The following CAMSAP2 variants were observed in gnomAD, a reference collection of about 807,000 sequenced individuals.
CAMSAP2 encodes calmodulin-regulated spectrin-associated protein 2.
CAMSAP2 carries 26 observed loss-of-function variants against 146.1 expected under a neutral mutation model. The observed-to-expected ratio is 0.18, with a 90% CI of 0.13 to 0.25. The LOEUF (loss-of-function observed/expected upper bound fraction) is 0.25. Ranked by LOEUF, CAMSAP2 falls within the 10% of genes least tolerant of loss-of-function variation. The pLI is 1.00. For synonymous variants in CAMSAP2, 499 were observed against 596.6 expected, an observed-to-expected ratio of 0.84 and a Z score of 2.38; for missense variants, 1,381 against 1,759.3, an observed-to-expected ratio of 0.78 and a Z score of 3.85.
At chr1:200,844,693 T>G (rs995116735) in intron 7 of CAMSAP2, 89 bp from the exon 8 acceptor site, 2 of 626,846 alleles carry the variant, frequency 3.2e-6, no homozygotes, top group Non-Finnish European at 2.7e-6. Flanking sequence ...GAAATAGAAG[T>G]TAAATTTTGT....
At chr1:200,742,185 G>A (rs1167488356) in intron 1 of CAMSAP2, among the ~76,000 whole-genome samples, 1 of 152,178 alleles carries the variant, frequency 6.6e-6, no homozygotes, top group Non-Finnish European at 1.5e-5. Context: ...TGAAGCCTTT[G>A]CTTATTACTC....
intron 7 of CAMSAP2, among the ~76,000 whole-genome samples, chr1:200,842,792 A>G (rs933450746): frequency 6.6e-6 from 1 of 152,100 alleles, no homozygotes; most frequent in African/African-American, 2.4e-5. Flanking sequence ...GCTGGGCAAC[A>G]TGGTGAAACC....
At chr1:200,827,422 C>G (rs1205553949) in intron 4 of CAMSAP2, among the ~76,000 whole-genome samples, 1 of 152,058 alleles carries the variant, frequency 6.6e-6, no homozygotes, top group Non-Finnish European at 1.5e-5. Flanking sequence ...AATTGGAAAC[C>G]CTGACACGTT....
intron 4 of CAMSAP2, among the ~76,000 whole-genome samples, chr1:200,826,546 C>G (rs2102203708): frequency 6.6e-6 from 1 of 152,228 alleles, no homozygotes; most frequent in East Asian, 1.9e-4. Context: ...AAAGACCACA[C>G]CAAACCAATA....
intron 2 of CAMSAP2, among the ~76,000 whole-genome samples, chr1:200,769,628 G>A (rs1665058918): frequency 6.6e-6 from 1 of 152,154 alleles, no homozygotes; most frequent in Non-Finnish European, 1.5e-5. Context: ...GCAACTCACA[G>A]AACTCAGGGA....
intron 7 of CAMSAP2, among the ~76,000 whole-genome samples, chr1:200,842,986 G>GAA (rs1330006659): frequency 3.7e-5 from 4 of 108,060 alleles, no homozygotes; most frequent in Admixed American, 9.3e-5. Context: ...AAAAAAAAAA[G>GAA]AAAAAAAAAA....
chr1:200,810,199 A>G lies in CAMSAP2; in HGVS notation c.561+2662A>G, dbSNP rs527640010. Among the ~76,000 whole-genome samples, 131 of 152,318 alleles carry G rather than the reference A, an allele frequency of 8.6e-4. 1 individual carries two copies. The highest frequency in any genetic ancestry group is 3.0e-3 in the African/African-American group (125 of 41,574). ...GCATTTCTAACAAGCTCCAGGTGAT[A>G]CTAATGCTGCTGGTTTGGGACCACA... On this transcript the variant is annotated intron_variant, in intron 3 of 16. Transcript: ENST00000358823.
chr1:200,818,937 A>G (rs775998422), intron 4 of CAMSAP2, among the ~76,000 whole-genome samples: 1 of 152,160 alleles, frequency 6.6e-6, no homozygotes, highest in Non-Finnish European at 1.5e-5. Context: ...TTGTCCAGCT[A>G]TAGACAGAGC....
intron 1 of CAMSAP2, among the ~76,000 whole-genome samples, chr1:200,745,431 C>T (rs1479462407): frequency 1.3e-5 from 2 of 151,556 alleles, no homozygotes; most frequent in African/African-American, 4.9e-5. Context: ...AATTATAAGA[C>T]ATACTGATTT....
chr1:200,785,393 G>C (rs367905626), intron 2 of CAMSAP2, among the ~76,000 whole-genome samples: 1 of 137,162 alleles, frequency 7.3e-6, no homozygotes, highest in Admixed American at 7.4e-5. Context: ...TTTTTCTTTT[G>C]TTTTTTTTTT....
At chr1:200,780,750 A>T (rs1337000354) in intron 2 of CAMSAP2, among the ~76,000 whole-genome samples, 1 of 152,222 alleles carries the variant, frequency 6.6e-6, no homozygotes, top group Non-Finnish European at 1.5e-5. Flanking sequence ...AGTATCTGCC[A>T]TAGATATTTA....
chr1:200,809,841 G>A (rs1666278824), intron 3 of CAMSAP2, among the ~76,000 whole-genome samples: 1 of 152,148 alleles, frequency 6.6e-6, no homozygotes, highest in Non-Finnish European at 1.5e-5. Context: ...AGGTGAAGAG[G>A]CCACTGGTGA....
Position 200,857,691 on chromosome 1 carries a change from T to C in CAMSAP2, c.4132-63T>C. 2 of 1,349,630 alleles carry C rather than the reference T, an allele frequency of 1.5e-6. No homozygotes were observed. Among genetic ancestry groups the C allele is most frequent in the Non-Finnish European group, 2.0e-6 (2 of 987,014 alleles). The allele number at this position is 1,349,630 out of a possible 1,614,324, so 83.6% of individuals were successfully genotyped here. The stretch of plus-strand genomic sequence containing the variant: ...AAACGTAACATAATTATATAAACTT[T>C]ATTCAGCAAAATAAAGGGTTTTTAT... On this transcript the variant is annotated intron_variant, in intron 16 of 16. Coordinates refer to ENST00000358823, the MANE Select transcript of CAMSAP2 (RefSeq NM_203459.4). This position sits in a 1 kb window ranked among gnomAD's most constrained non-coding sequence, Gnocchi z 4.7.
At chr1:200,748,837 T>A (rs778576232) in intron 1 of CAMSAP2, among the ~76,000 whole-genome samples, 5 of 152,056 alleles carry the variant, frequency 3.3e-5, no homozygotes, top group Non-Finnish European at 7.4e-5. Context: ...TGTCTCTCTA[T>A]CATGACTTCT....
At chr1:200,839,203 A>G (rs1558202893) in intron 6 of CAMSAP2, among the ~76,000 whole-genome samples, 1 of 152,218 alleles carries the variant, frequency 6.6e-6, no homozygotes. Context: ...GTAAGATGGG[A>G]AATCTGTTTG....
At chr1:200,770,756 G>A (rs760740698) in intron 2 of CAMSAP2, among the ~76,000 whole-genome samples, 12 of 152,018 alleles carry the variant, frequency 7.9e-5, no homozygotes, top group Admixed American at 1.3e-4. Flanking sequence ...ACATGTATAC[G>A]TTATTATTAT....
chr1:200,750,824 C>T (rs1664482421), intron 1 of CAMSAP2, among the ~76,000 whole-genome samples: 1 of 150,078 alleles, frequency 6.7e-6, no homozygotes, highest in Non-Finnish European at 1.5e-5. Flanking sequence ...GACCGGGTTT[C>T]ATGATGTTGG....
intron 4 of CAMSAP2, among the ~76,000 whole-genome samples, chr1:200,817,181 CACACACACATGTGTGTGTGT>C (rs1666600029): frequency 1.9e-5 from 1 of 53,768 alleles, no homozygotes; most frequent in Admixed American, 1.9e-4. Context: ...TGTATATACA[CACACACACATGTGTGTGTGT>C]ATACACACAT....
rs971970238 is a variant in CAMSAP2 at position 200,789,379 on chromosome 1, C to CT, written c.400-17987dup. The stretch of plus-strand genomic sequence containing the variant: ...GAAGGCTGTAAAGTCTGTCTAGAGT[C>CT]TTTTTTTTTTCATGTGGATGTCTGG... On this transcript the variant is annotated intron_variant, in intron 2 of 16. Transcript: ENST00000358823. Among the ~76,000 whole-genome samples, 44 of 147,048 alleles carry CT rather than the reference C, an allele frequency of 3.0e-4. 1 individual carries two copies. Among genetic ancestry groups the CT allele is most frequent in the Non-Finnish European group, 5.4e-4 (36 of 66,418 alleles).
Sources: gnomAD v4.1 joint callset for allele counts (sites outside exome capture counted in the v4.1 genomes callset) on GRCh38, gnomAD v4.1.1 for gene constraint, Gnocchi (gnomAD v3.1) non-coding constraint, MANE v1.5 for transcripts, NCBI Gene and HGNC (gene_info 2026-07-23, HGNC 2026-07-21) for gene names.